The following SLC4A10 variants were observed in gnomAD, a reference collection of about 807,000 sequenced individuals.
SLC4A10 encodes sodium-driven chloride bicarbonate exchanger.
SLC4A10 carries 42 observed loss-of-function variants against 137.7 expected under a neutral mutation model. The observed-to-expected ratio is 0.30, with a 90% CI of 0.24 to 0.39. The LOEUF is 0.39. SLC4A10 is among the 10% of genes least tolerant of loss of function. The pLI is 1.00. For synonymous variants in SLC4A10, 474 were observed against 464.1 expected (o/e 1.02, Z -0.27); for missense variants, 925 against 1,355.0 (o/e 0.68, Z 4.98).
chr2:161,784,277 C>G (rs558099068), intron 2 of SLC4A10, among the ~76,000 whole-genome samples: 1 of 151,620 alleles, frequency 6.6e-6, no homozygotes, highest in Non-Finnish European at 1.5e-5. Flanking sequence ...CAGGCAGCAA[C>G]ACAATAATAG....
At chr2:161,846,775 A>G (rs887041833) in intron 4 of SLC4A10, among the ~76,000 whole-genome samples, 17 of 152,186 alleles carry the variant, frequency 1.1e-4, no homozygotes, top group African/African-American at 3.9e-4. Context: ...CAAAATAACA[A>G]AAGTATGGTG....
chr2:161,689,922 C>G (rs2041814734), intron 1 of SLC4A10, among the ~76,000 whole-genome samples: 1 of 152,076 alleles, frequency 6.6e-6, no homozygotes, highest in East Asian at 1.9e-4. Context: ...CTGAACACAC[C>G]AGGCTCCCAG....
At chr2:161,731,043 A>T (rs2046774733) in intron 1 of SLC4A10, among the ~76,000 whole-genome samples, 1 of 152,152 alleles carries the variant, frequency 6.6e-6, no homozygotes, top group Admixed American at 6.5e-5. Context: ...TTGAAATTGT[A>T]CTAGTTTGCT....
At chr2:161,796,168 A>T (rs1279407729) in intron 2 of SLC4A10, among the ~76,000 whole-genome samples, 3 of 152,004 alleles carry the variant, frequency 2.0e-5, no homozygotes, top group African/African-American at 4.8e-5. Flanking sequence ...ATAATTTTAA[A>T]TTTTTTCTTC....
intron 1 of SLC4A10, among the ~76,000 whole-genome samples, chr2:161,726,876 T>C (rs543866439): frequency 3.2e-4 from 49 of 152,354 alleles, no homozygotes; most frequent in African/African-American, 1.1e-3. Context: ...GCCACTGCAC[T>C]CTGGCCTGGG....
At chr2:161,920,111 C>T (rs1687848642) in intron 15 of SLC4A10, among the ~76,000 whole-genome samples, 1 of 152,334 alleles carries the variant, frequency 6.6e-6, no homozygotes, top group Non-Finnish European at 1.5e-5. Context: ...ACTTATGCAC[C>T]CCTCACCTCT....
intron 23 of SLC4A10, among the ~76,000 whole-genome samples, chr2:161,966,627 T>C (rs1697629597): frequency 6.6e-6 from 1 of 151,726 alleles, no homozygotes; most frequent in Non-Finnish European, 1.5e-5. Context: ...TGCACACCTG[T>C]AGTCTCAGCT....
At chr2:161,720,683 A>G (rs368086126) in intron 1 of SLC4A10, among the ~76,000 whole-genome samples, 7 of 152,198 alleles carry the variant, frequency 4.6e-5, no homozygotes, top group African/African-American at 1.7e-4. Flanking sequence ...CTCTTTTGTC[A>G]GAAACTAGGA....
At chr2:161,698,990 G>C (rs2042850899) in intron 1 of SLC4A10, among the ~76,000 whole-genome samples, 1 of 152,056 alleles carries the variant, frequency 6.6e-6, no homozygotes, top group Non-Finnish European at 1.5e-5. Context: ...TTCAGAGCCT[G>C]TTATTGGTCC....
chr2:161,668,615 T>G (rs534606400), intron 1 of SLC4A10, among the ~76,000 whole-genome samples: 10 of 152,028 alleles, frequency 6.6e-5, no homozygotes, highest in African/African-American at 2.2e-4. Flanking sequence ...AGATTTTTTC[T>G]TTCCAAAATA....
intron 1 of SLC4A10, among the ~76,000 whole-genome samples, chr2:161,645,333 G>A (rs1430407770): frequency 6.6e-6 from 1 of 151,522 alleles, no homozygotes; most frequent in Non-Finnish European, 1.5e-5. Flanking sequence ...CATACTACAA[G>A]ACTTCTTGTT....
intron 7 of SLC4A10, among the ~76,000 whole-genome samples, chr2:161,873,372 A>G (rs2061252964): frequency 6.6e-6 from 1 of 151,914 alleles, no homozygotes; most frequent in Non-Finnish European, 1.5e-5. Context: ...TGAGTGGAAA[A>G]GAGGAGTTTC....
intron 11 of SLC4A10, among the ~76,000 whole-genome samples, chr2:161,898,937 C>T (rs2063804524): frequency 6.6e-6 from 1 of 152,124 alleles, no homozygotes; most frequent in African/African-American, 2.4e-5. Flanking sequence ...ATGACTATTT[C>T]ACACTTATTC....
At chr2:161,814,349 C>T (rs1361561270) in intron 3 of SLC4A10, among the ~76,000 whole-genome samples, 1 of 152,078 alleles carries the variant, frequency 6.6e-6, no homozygotes. Context: ...TTGGTTCAGC[C>T]ACTGTGGAAA....
At chr2:161,701,044 AT>A (rs1208074361) in intron 1 of SLC4A10, among the ~76,000 whole-genome samples, 2 of 152,094 alleles carry the variant, frequency 1.3e-5, no homozygotes, top group Admixed American at 1.3e-4. Context: ...TTCACATGTA[AT>A]AATCACATTT....
intron 12 of SLC4A10, 133 bp downstream of exon 12, chr2:161,901,144 T>C: frequency 1.4e-6 from 1 of 691,784 alleles, no homozygotes; most frequent in Non-Finnish European, 2.6e-6. Flanking sequence ...AAAATGCCAA[T>C]TAGTTTGATT....
At chr2:161,742,419 TTTTC>T (rs201458465) in intron 1 of SLC4A10, among the ~76,000 whole-genome samples, 12,284 of 139,298 alleles carry the variant, frequency 0.088, 646 homozygotes, top group East Asian at 0.12. Flanking sequence ...TTCTTTTTTC[TTTTC>T]TTTCTTTCTT....
intron 1 of SLC4A10, among the ~76,000 whole-genome samples, chr2:161,647,287 C>G (rs935086525): frequency 7.9e-5 from 12 of 151,974 alleles, no homozygotes; most frequent in African/African-American, 2.9e-4. Flanking sequence ...TCAGGTATTT[C>G]AGCCTGTCAG....
chr2:161,882,298 A>G, intron 9 of SLC4A10, 59 bp from the exon 10 acceptor site: 1 of 1,004,450 alleles, frequency 1.0e-6, no homozygotes, highest in Non-Finnish European at 1.5e-6. Flanking sequence ...GTGATTCTGT[A>G]TTACTAAAAT....
Sources: allele counts gnomAD v4.1 joint callset (sites outside exome capture counted in the v4.1 genomes callset), GRCh38; gene constraint gnomAD v4.1.1; transcripts MANE v1.5; gene names NCBI Gene and HGNC (gene_info 2026-07-23, HGNC 2026-07-21).